HMCN2: variants seen among roughly 807,000 people sequenced by gnomAD.
The protein encoded by HMCN2 is hemicentin-2.
Under a neutral mutation model 377.5 loss-of-function variants are expected in HMCN2, and 325 were observed. The observed-to-expected ratio is 0.86, with a 90% CI of 0.79 to 0.94. The LOEUF (loss-of-function observed/expected upper bound fraction) is 0.94, where lower values mean the gene tolerates loss of function less well. Among genes scored for constraint, HMCN2 ranks in the 40% least tolerant of loss-of-function variants. The pLI, the probability that HMCN2 is intolerant of heterozygous loss-of-function variation, is 0.00. For synonymous variants in HMCN2, 2,007 were observed against 2,046.8 expected (o/e 0.98, Z 0.53); for missense variants, 4,543 against 4,725.3 (o/e 0.96, Z 1.13).
chr9:130,266,952 C>CT lies in HMCN2; in HGVS notation c.259+826dup, dbSNP rs10561462. 2.4e-3 allele frequency among the ~76,000 whole-genome samples: 361 copies of CT among 149,306 alleles called. 1 individual carries two copies. Among genetic ancestry groups the CT allele is most frequent in the African/African-American group, 5.8e-3 (238 of 40,876 alleles). On this transcript the variant is annotated intron_variant, in intron 1 of 97. Coordinates refer to ENST00000683500, the MANE Select transcript of HMCN2 (RefSeq NM_001291815.2). Reference sequence around the variant, plus strand: ...AGGAGCAGGACTGCTTTCCACACTTCTTTTTTTTTTTGAGACAAGGTCTGG... The same window carrying CT: ...AGGAGCAGGACTGCTTTCCACACTTCTTTTTTTTTTTTGAGACAAGGTCTGG...
At chr9:130,403,457 G>T in intron 79 of HMCN2, 129 bp downstream of exon 79, 1 of 1,012,058 alleles carries the variant, frequency 9.9e-7, no homozygotes, top group South Asian at 1.6e-5. Flanking sequence ...CCCCTGGCCT[G>T]CCCAGATACG....
chr9:130,385,763 G>A lies in HMCN2; in HGVS notation c.9309+1G>A, dbSNP rs1044057115. ...GAGGCTGGAGATCCAGGAAGCCCAG[G>A]TGAGCAACCCTGGGGGCACGGGCAG... On this transcript the variant is annotated splice_donor_variant, in intron 60 of 97. Transcript: ENST00000683500. LOFTEE classifies it high-confidence loss of function. 23 of 1,303,310 alleles carry A rather than the reference G, an allele frequency of 1.8e-5. No individual in the cohort carries two copies. In the African/African-American group the frequency reaches 3.3e-4, roughly 19 times the overall value. The allele number at this position is 1,303,310 out of a possible 1,614,324, so 80.7% of individuals were successfully genotyped here. A position where few individuals can be genotyped will look rare whatever the true frequency, so the allele number is the denominator to read the frequency against.
intron 50 of HMCN2, 62 bp from the exon 51 acceptor site, chr9:130,375,814 G>A: frequency 1.0e-6 from 1 of 979,160 alleles, no homozygotes; most frequent in Non-Finnish European, 1.2e-6. Context: ...CTGTGAGCCT[G>A]TCCTCATGCC....
rs1842776683 is a variant in HMCN2, at chr9:130,399,714, G to A, written c.11605+82G>A. 4 of 1,054,908 alleles carry A rather than the reference G, an allele frequency of 3.8e-6. No individual in the cohort carries two copies. The East Asian group carries it at 1.9e-4, about 49-fold the overall frequency. The allele number at this position is 1,054,908 out of a possible 1,614,324, so 65.3% of individuals were successfully genotyped here. A position where few individuals can be genotyped will look rare whatever the true frequency, so the allele number is the denominator to read the frequency against. On this transcript the variant is annotated intron_variant, in intron 76 of 97. Transcript: ENST00000683500. ...TCTTGGGTGCTCTCCCTGCCAGCAG[G>A]GAATTGTGTGGCTTTTTCCTGTGCT...
chr9:130,362,146 C>T lies in HMCN2; in HGVS notation c.6089C>T (p.Ala2030Val). Residue 2030 changes from alanine to valine, a missense_variant, in exon 39 of 98, where the codon GCA becomes GTA. Coordinates refer to ENST00000683500, the MANE Select transcript of HMCN2 (RefSeq NM_001291815.2). ...WLKDGNPVSP[A>V]GTPGLQVFPG... ...AAGGATGGAAACCCTGTGTCCCCTG[C>T]AGGGACCCCTGGCCTGCAGGTCAGT... The T allele has an allele frequency of 1.0e-6, 1 of 985,722 alleles. No individual in the cohort carries two copies. The allele number at this position is 985,722 out of a possible 1,614,324, so 61.1% of individuals were successfully genotyped here. A position where few individuals can be genotyped will look rare whatever the true frequency, so the allele number is the denominator to read the frequency against.
chr9:130,270,329 C>T (rs1834353451), intron 1 of HMCN2, among the ~76,000 whole-genome samples: 1 of 143,394 alleles, frequency 7.0e-6, no homozygotes, highest in Non-Finnish European at 1.5e-5. Context: ...ACCAGTTAGG[C>T]AGATTTTCTA....
Position 130,304,246 on chromosome 9 carries a change from A to T in HMCN2, c.1544-484A>T, listed in dbSNP as rs755130047. 3.3e-5 allele frequency among the ~76,000 whole-genome samples: 5 copies of T among 151,988 alleles called. No homozygotes were observed. Among genetic ancestry groups the T allele is most frequent in the Admixed American group, 6.5e-5 (1 of 15,268 alleles). On this transcript the variant is annotated intron_variant, in intron 10 of 97. Coordinates refer to ENST00000683500, the MANE Select transcript of HMCN2 (RefSeq NM_001291815.2). This position sits in a 1 kb window ranked among gnomAD's most constrained non-coding sequence, Gnocchi z 4.3. Reference sequence around the variant, plus strand: ...ATGTTCAGCAGTCTCTGATCTTGCCACTTCTTGTGGCTTTTTGCTATCCAG... The same window carrying T: ...ATGTTCAGCAGTCTCTGATCTTGCCTCTTCTTGTGGCTTTTTGCTATCCAG...
intron 89 of HMCN2, 118 bp downstream of exon 89, chr9:130,425,248 TGG>T: frequency 8.4e-7 from 1 of 1,184,136 alleles, no homozygotes; most frequent in Non-Finnish European, 1.2e-6. Context: ...GCTGCAGGGC[TGG>T]GTCACAGTCT....
At chr9:130,426,200 C>T (rs1360119497) in intron 90 of HMCN2, among the ~76,000 whole-genome samples, 1 of 152,172 alleles carries the variant, frequency 6.6e-6, no homozygotes, top group African/African-American at 2.4e-5. Context: ...TCCAACCACC[C>T]CAGGCTGATG....
At chr9:130,324,642 T>TG (rs2131412726) in intron 19 of HMCN2, among the ~76,000 whole-genome samples, 1 of 152,306 alleles carries the variant, frequency 6.6e-6, no homozygotes, top group Non-Finnish European at 1.5e-5. Context: ...TTATTTTTTT[T>TG]GAGATGGAGT....
At chr9:130,295,332 T>C (rs1243755644) in intron 5 of HMCN2, among the ~76,000 whole-genome samples, 3 of 151,966 alleles carry the variant, frequency 2.0e-5, no homozygotes, top group South Asian at 2.1e-4. Flanking sequence ...TGTAGCATAT[T>C]GTACAGATGG....
chr9:130,433,431 G>A lies in HMCN2; in HGVS notation c.14978G>A (p.Gly4993Asp). 1 of 1,493,554 alleles carries A rather than the reference G, an allele frequency of 6.7e-7. No homozygotes were observed. The highest frequency in any genetic ancestry group is 8.9e-7 in the Non-Finnish European group (1 of 1,129,844). 92.5% of individuals were successfully genotyped at this position (1,493,554 alleles called of 1,614,324 possible). A position where few individuals can be genotyped will look rare whatever the true frequency, so the allele number is the denominator to read the frequency against. Residue 4993 changes from glycine (G) to aspartate (D), a missense_variant, in exon 98 of 98, where the codon GGC becomes GAC. Gly to Asp is a moderately conservative substitution (Grantham distance 94, BLOSUM62 -1). Transcript: ENST00000683500. ...LQYRLLPLPLGVRAHHDVARL... is the reference protein window; with the variant it reads ...LQYRLLPLPLDVRAHHDVARL... ...TACCGGCTGCTGCCGCTGCCCCTGG[G>A]CGTGCGCGCCCACCACGACGTGGCC...
intron 28 of HMCN2, 29 bp from the exon 29 acceptor site, chr9:130,349,508 T>C: frequency 2.3e-6 from 3 of 1,300,596 alleles, no homozygotes; most frequent in Non-Finnish European, 3.0e-6. Flanking sequence ...TTGAACAGTT[T>C]CCCACCCCTC....
intron 8 of HMCN2, among the ~76,000 whole-genome samples, chr9:130,301,925 A>C (rs1230345050): frequency 1.3e-5 from 2 of 152,194 alleles, no homozygotes; most frequent in Non-Finnish European, 2.9e-5. Context: ...TCACTCCAAG[A>C]CCAGGCTCGG....
chr9:130,343,448 G>C lies in HMCN2; in HGVS notation c.3829+1012G>C, dbSNP rs1013740421. On this transcript the variant is annotated intron_variant, in intron 25 of 97. Transcript: ENST00000683500. ...TAGAAGCAGGGATGGCACCCACCTAGGCAAGGGGAGGACCTGGGTGGGAGC... is the reference window on the plus strand; with the variant it reads ...TAGAAGCAGGGATGGCACCCACCTACGCAAGGGGAGGACCTGGGTGGGAGC... 6.4e-4 allele frequency among the ~76,000 whole-genome samples: 97 copies of C among 152,294 alleles called. 2 individuals are homozygous for C. The highest frequency in any genetic ancestry group is 4.2e-3 in the Admixed American group (65 of 15,306).
intron 1 of HMCN2, among the ~76,000 whole-genome samples, chr9:130,272,485 C>G (rs1452194387): frequency 8.0e-6 from 1 of 124,412 alleles, no homozygotes; most frequent in African/African-American, 2.5e-5. Context: ...AAAGGATCCT[C>G]CTGCCTTGGC....
chr9:130,311,202 G>T (rs1282703631), intron 15 of HMCN2, among the ~76,000 whole-genome samples: 2 of 152,354 alleles, frequency 1.3e-5, no homozygotes, highest in African/African-American at 4.8e-5. Context: ...CTAGGGAAGC[G>T]CAGAGAATCG....
rs1461078053 is a variant in HMCN2, at chr9:130,407,453, T to A, written c.12554-118T>A. Reference sequence around the variant, plus strand: ...AGGAACGTGTCTGATTTGATCAACCTTCACCCGGGACTCCCATCTGTTTCT... The same window carrying A: ...AGGAACGTGTCTGATTTGATCAACCATCACCCGGGACTCCCATCTGTTTCT... On this transcript the variant is annotated intron_variant, in intron 82 of 97. Transcript: ENST00000683500. 4 of 916,398 alleles carry A rather than the reference T, an allele frequency of 4.4e-6. No homozygotes were observed. The African/African-American group carries it at 7.0e-5, about 16-fold the overall frequency. The allele number at this position is 916,398 out of a possible 1,614,324, so 56.8% of individuals were successfully genotyped here. A position where few individuals can be genotyped will look rare whatever the true frequency, so the allele number is the denominator to read the frequency against.
At chr9:130,278,370 C>T (rs1028298518) in intron 1 of HMCN2, among the ~76,000 whole-genome samples, 17 of 151,944 alleles carry the variant, frequency 1.1e-4, no homozygotes, top group Non-Finnish European at 2.1e-4. Flanking sequence ...GTGATCCGCC[C>T]GTCTCGGCCT....
Sources: gnomAD v4.1 joint callset for allele counts (sites outside exome capture counted in the v4.1 genomes callset) on GRCh38, gnomAD v4.1.1 for gene constraint, Gnocchi (gnomAD v3.1) non-coding constraint, MANE v1.5 for transcripts, NCBI Gene and HGNC (gene_info 2026-07-23, HGNC 2026-07-21) for gene names.